KLHL14: variants seen among roughly 807,000 people sequenced by gnomAD.
KLHL14 encodes the protein kelch like family member 14.
Under a neutral mutation model 64.3 loss-of-function variants are expected in KLHL14, and 22 were observed. That is an observed-to-expected ratio of 0.34 (90% CI 0.24 to 0.49). The LOEUF (loss-of-function observed/expected upper bound fraction) is 0.49, where lower values mean the gene tolerates loss of function less well. Ranked by LOEUF, KLHL14 falls within the 20% of genes least tolerant of loss-of-function variation. The probability of loss-of-function intolerance (pLI) is 0.99; values close to 1 mark genes in which losing one functional copy is unlikely to be tolerated. For synonymous variants in KLHL14, 322 were observed against 333.4 expected (o/e 0.97, Z 0.37); for missense variants, 661 against 789.0 (o/e 0.84, Z 1.94).
chr18:32,704,749 C>T (rs140993925), intron 3 of KLHL14, among the ~76,000 whole-genome samples: 1 of 152,076 alleles, frequency 6.6e-6, no homozygotes. Context: ...TTTCAAGCAG[C>T]TAATTCATTT....
rs915934615 is a variant in KLHL14 at position 32,673,292 on chromosome 18, A to C, written c.*1365T>G. On this transcript the variant is annotated 3_prime_UTR_variant, in exon 9 of 9. Coordinates refer to ENST00000359358, the MANE Select transcript of KLHL14 (RefSeq NM_020805.3). The stretch of plus-strand genomic sequence containing the variant: ...CCCTAATTACTGTTTTGAATGACAC[A>C]TTTGTTGAAGGATTCAACACCATCT... 2 of 152,542 alleles carry C rather than the reference A, an allele frequency of 1.3e-5. No individual in the cohort carries two copies. Among genetic ancestry groups the C allele is most frequent in the Non-Finnish European group, 2.9e-5 (2 of 68,036 alleles). 9.4% of individuals were successfully genotyped at this position (152,542 alleles called of 1,614,324 possible). A position where few individuals can be genotyped will look rare whatever the true frequency, so the allele number is the denominator to read the frequency against.
At position 32,680,729 on chromosome 18, in the gene KLHL14, T is replaced by C; in HGVS notation, c.1239-130A>G. The C allele has an allele frequency of 1.3e-6, 1 of 795,270 alleles. No individual in the cohort carries two copies. Among genetic ancestry groups the C allele is most frequent in the Non-Finnish European group, 2.0e-6 (1 of 509,018 alleles). The allele number at this position is 795,270 out of a possible 1,614,324, so 49.3% of individuals were successfully genotyped here. ...TGCTTCAGAAAGGGTTGCAAATCTT[T>C]AAAAATTACACGTATACCTTATAAT... On this transcript the variant is annotated intron_variant, in intron 5 of 8. Coordinates refer to ENST00000359358, the MANE Select transcript of KLHL14 (RefSeq NM_020805.3). This position sits in a 1 kb window ranked among gnomAD's most constrained non-coding sequence, Gnocchi z 4.8.
intron 4 of KLHL14, among the ~76,000 whole-genome samples, chr18:32,692,889 A>G (rs1451431327): frequency 6.6e-6 from 1 of 152,184 alleles, no homozygotes; most frequent in Non-Finnish European, 1.5e-5. Flanking sequence ...GACTAAGTGA[A>G]ATGATGCAGT....
intron 7 of KLHL14, among the ~76,000 whole-genome samples, chr18:32,678,743 A>T (rs996591652): frequency 6.6e-6 from 1 of 152,144 alleles, no homozygotes; most frequent in African/African-American, 2.4e-5. Flanking sequence ...ACAACTAGAA[A>T]GTGCATAACT....
chr18:32,702,445 T>C (rs1159136303), intron 3 of KLHL14, among the ~76,000 whole-genome samples: 2 of 151,820 alleles, frequency 1.3e-5, no homozygotes, highest in African/African-American at 2.4e-5. Context: ...CCATTCAGTC[T>C]TTCAGCAAAG....
intron 3 of KLHL14, among the ~76,000 whole-genome samples, chr18:32,702,356 A>T (rs62844461): frequency 0.032 from 2,528 of 79,114 alleles, 57 homozygotes; most frequent in East Asian, 0.11. Flanking sequence ...TTTTTTTTTT[A>T]AAAAAAAGTC....
intron 2 of KLHL14, among the ~76,000 whole-genome samples, chr18:32,765,106 G>A (rs547202601): frequency 6.6e-6 from 1 of 152,222 alleles, no homozygotes; most frequent in Non-Finnish European, 1.5e-5. Context: ...TAACTGCTCT[G>A]TGCATCAGTT....
At chr18:32,762,673 T>A (rs1300306383) in intron 2 of KLHL14, among the ~76,000 whole-genome samples, 2 of 152,140 alleles carry the variant, frequency 1.3e-5, no homozygotes, top group Non-Finnish European at 2.9e-5. Context: ...ACAGATAGCC[T>A]TTCTCTGGTT....
chr18:32,732,933 C>T (rs947852975), intron 3 of KLHL14, among the ~76,000 whole-genome samples: 1 of 152,180 alleles, frequency 6.6e-6, no homozygotes. Flanking sequence ...TAATGAACTT[C>T]CACCTCCAAG....
chr18:32,687,346 G>C, intron 4 of KLHL14, 113 bp from the exon 5 acceptor site: 1 of 846,376 alleles, frequency 1.2e-6, no homozygotes, highest in East Asian at 2.5e-5. Flanking sequence ...GATGAATTAA[G>C]TAGAGGGAAT....
intron 2 of KLHL14, among the ~76,000 whole-genome samples, chr18:32,754,303 G>A (rs1378639456): frequency 6.6e-6 from 1 of 152,162 alleles, no homozygotes; most frequent in Non-Finnish European, 1.5e-5. Context: ...CTGAGACTTC[G>A]TCCTGTCTTT....
rs150498602 is a variant in KLHL14, at chr18:32,741,965, A to G, written c.1032T>C (p.Tyr344=). 1.2e-4 allele frequency: 189 copies of G among 1,612,540 alleles called. No homozygotes were observed. The East Asian group carries it at 4.1e-3, about 35-fold the overall frequency. The part of the protein sequence containing the change: ...PDRLPSNLVQ[Y]YDDEKKTWKI... Reference sequence around the variant, plus strand: ...TCCATGTCTTCTTTTCATCGTCGTAATACTGAACCAAATTGCTGGGGAGCC... The same window carrying G: ...TCCATGTCTTCTTTTCATCGTCGTAGTACTGAACCAAATTGCTGGGGAGCC... The change falls in exon 3 of 9, where the codon TAT becomes TAC. Residue 344 remains tyrosine, a synonymous_variant. Transcript: ENST00000359358.
intron 3 of KLHL14, among the ~76,000 whole-genome samples, chr18:32,697,812 C>T (rs2049944363): frequency 6.6e-6 from 1 of 152,102 alleles, no homozygotes; most frequent in African/African-American, 2.4e-5. Flanking sequence ...TTGAACTCTT[C>T]AAAATAAGAG....
chr18:32,746,348 C>G (rs1228346339), intron 2 of KLHL14, among the ~76,000 whole-genome samples: 1 of 152,204 alleles, frequency 6.6e-6, no homozygotes, highest in African/African-American at 2.4e-5. Context: ...CAGTAACTGC[C>G]CAACATTTAC....
chr18:32,733,999 G>A (rs1039335844), intron 3 of KLHL14: 4 of 599,144 alleles, frequency 6.7e-6, no homozygotes, highest in African/African-American at 1.9e-5. Context: ...TCAGCTTGAT[G>A]TTGGGATGAC....
chr18:32,681,465 A>T (rs1045671312), intron 5 of KLHL14, among the ~76,000 whole-genome samples: 1 of 152,174 alleles, frequency 6.6e-6, no homozygotes. Context: ...GTAATAAAAT[A>T]TGAGAGCTGA....
chr18:32,752,352 A>G (rs1030448937), intron 2 of KLHL14, among the ~76,000 whole-genome samples: 9 of 152,314 alleles, frequency 5.9e-5, no homozygotes, highest in African/African-American at 2.2e-4. Context: ...CGTATTTCTG[A>G]ACCACAGGGT....
intron 3 of KLHL14, among the ~76,000 whole-genome samples, chr18:32,728,148 A>C (rs2144517311): frequency 6.6e-6 from 1 of 152,334 alleles, no homozygotes; most frequent in East Asian, 1.9e-4. Context: ...ATTTGTGCAG[A>C]GGATGTTCAA....
At chr18:32,756,848 G>A (rs1050481643) in intron 2 of KLHL14, among the ~76,000 whole-genome samples, 4 of 152,198 alleles carry the variant, frequency 2.6e-5, no homozygotes, top group Non-Finnish European at 5.9e-5. Flanking sequence ...TCTGCCAAGG[G>A]AAGAAGATAT....
Sources: gnomAD v4.1 joint callset for allele counts (sites outside exome capture counted in the v4.1 genomes callset) on GRCh38, gnomAD v4.1.1 for gene constraint, Gnocchi (gnomAD v3.1) non-coding constraint, MANE v1.5 for transcripts, NCBI Gene and HGNC (gene_info 2026-07-23, HGNC 2026-07-21) for gene names.